Variants in FAM240A observed in about 807,000 individuals in gnomAD.
The protein encoded by FAM240A is protein FAM240A.
In FAM240A, 8 loss-of-function variants were observed where a neutral mutation model predicts 7.3. The ratio of observed to expected loss-of-function variants is 1.09; its 90% CI spans 0.64 to 1.97. The LOEUF is 1.97. Among genes scored for constraint, FAM240A ranks in the 30% most tolerant of loss-of-function variants. FAM240A has a pLI of 0.00. For missense variants in FAM240A, 90 were observed against 102.2 expected (o/e 0.88, Z 0.52); for synonymous variants, 32 against 35.9 (o/e 0.89, Z 0.38).
At chr3:46,613,509 A>AAATAAATAAAT (rs1489345863) in intron 1 of FAM240A, among the ~76,000 whole-genome samples, 1 of 151,308 alleles carries the variant, frequency 6.6e-6, no homozygotes, top group East Asian at 1.9e-4. Context: ...ATAAATAAAT[A>AAATAAATAAAT]AATAAATAAA....
intron 2 of FAM240A, among the ~76,000 whole-genome samples, chr3:46,622,992 T>C (rs1697714178): frequency 6.6e-6 from 1 of 152,244 alleles, no homozygotes; most frequent in Non-Finnish European, 1.5e-5. Flanking sequence ...GTATCTGATA[T>C]ATGAACACAA....
chr3:46,618,708 T>C (rs1208834852), intron 2 of FAM240A, among the ~76,000 whole-genome samples: 2 of 151,552 alleles, frequency 1.3e-5, no homozygotes, highest in Non-Finnish European at 2.9e-5. Context: ...GGCGTGGTGG[T>C]GCATGCCTGT....
At chr3:46,617,903 G>A (rs1230633492) in intron 2 of FAM240A, among the ~76,000 whole-genome samples, 1 of 152,234 alleles carries the variant, frequency 6.6e-6, no homozygotes, top group Non-Finnish European at 1.5e-5. Flanking sequence ...GAGCAGTGGA[G>A]TACAGTGACT....
chr3:46,624,629 A>G (rs1697736086), intron 2 of FAM240A, among the ~76,000 whole-genome samples: 2 of 152,150 alleles, frequency 1.3e-5, no homozygotes, highest in African/African-American at 4.8e-5. Context: ...ATATAACCAC[A>G]TCGTTGCTTT....
intron 2 of FAM240A, among the ~76,000 whole-genome samples, chr3:46,624,189 A>G (rs1469324862): frequency 6.6e-6 from 1 of 151,736 alleles, no homozygotes; most frequent in Non-Finnish European, 1.5e-5. Flanking sequence ...GCTATTGTAC[A>G]AAGTACAACT....
chr3:46,621,084 G>A (rs965043558), intron 2 of FAM240A, among the ~76,000 whole-genome samples: 7 of 151,734 alleles, frequency 4.6e-5, no homozygotes, highest in African/African-American at 1.7e-4. Flanking sequence ...CTACTACAAA[G>A]GTTTTCTAAA....
At chr3:46,619,557 C>T (rs1697672673) in intron 2 of FAM240A, among the ~76,000 whole-genome samples, 1 of 152,178 alleles carries the variant, frequency 6.6e-6, no homozygotes, top group Admixed American at 6.5e-5. Context: ...ACAGATGCTG[C>T]CGTCTCCCGC....
chr3:46,623,493 G>A (rs1559439867), intron 2 of FAM240A, among the ~76,000 whole-genome samples: 2 of 152,084 alleles, frequency 1.3e-5, no homozygotes, highest in Admixed American at 6.5e-5. Context: ...TGAAATCTCT[G>A]CTATAAATAC....
At chr3:46,619,543 T>G (rs894781349) in intron 2 of FAM240A, among the ~76,000 whole-genome samples, 11 of 151,796 alleles carry the variant, frequency 7.2e-5, no homozygotes, top group African/African-American at 2.7e-4. Context: ...GTCAGGGAGG[T>G]GACACAGATG....
intron 2 of FAM240A, among the ~76,000 whole-genome samples, chr3:46,618,456 G>A (rs986309536): frequency 6.6e-6 from 1 of 152,310 alleles, no homozygotes; most frequent in South Asian, 2.1e-4. Context: ...CAAGGAAGAT[G>A]CAGAAACCAA....
At chr3:46,623,327 A>G (rs1424824589) in intron 2 of FAM240A, among the ~76,000 whole-genome samples, 4 of 152,244 alleles carry the variant, frequency 2.6e-5, no homozygotes, top group South Asian at 2.1e-4. Context: ...AATATTTTCT[A>G]TCTTCGTAAA....
chr3:46,618,963 A>T, intron 2 of FAM240A, among the ~76,000 whole-genome samples: 1 of 151,996 alleles, frequency 6.6e-6, no homozygotes, highest in Non-Finnish European at 1.5e-5. Context: ...ATGCAAGAAG[A>T]TAAACTTTCT....
At chr3:46,615,850 GCACA>G (rs111864834) in intron 1 of FAM240A, among the ~76,000 whole-genome samples, 35 of 150,332 alleles carry the variant, frequency 2.3e-4, no homozygotes, top group Admixed American at 2.1e-3. Context: ...ATGTGTGCAC[GCACA>G]CACACACACA....
At chr3:46,614,153 G>A (rs1220928366) in intron 1 of FAM240A, among the ~76,000 whole-genome samples, 1 of 151,948 alleles carries the variant, frequency 6.6e-6, no homozygotes, top group Non-Finnish European at 1.5e-5. Flanking sequence ...CAAACTACTG[G>A]GATCAAGTGA....
intron 2 of FAM240A, among the ~76,000 whole-genome samples, 165 bp from the exon 3 acceptor site, chr3:46,624,963 T>TTATATATATATATATATATATATA (rs10539495): frequency 2.7e-5 from 4 of 146,628 alleles, no homozygotes; most frequent in African/African-American, 1.0e-4. Context: ...TATGAATAAA[T>TTATATATATATATATATATATATA]TATATATATA....
At chr3:46,620,520 T>G (rs1304026119) in intron 2 of FAM240A, among the ~76,000 whole-genome samples, 1 of 145,224 alleles carries the variant, frequency 6.9e-6, no homozygotes, top group African/African-American at 2.5e-5. Context: ...AAAATCCGGA[T>G]CTAATCAAAC....
Position 46,625,243 on chromosome 3 carries a change from G to A in FAM240A, c.*25G>A, listed in dbSNP as rs1350419831. On this transcript the variant is annotated 3_prime_UTR_variant, in exon 3 of 3. Coordinates refer to ENST00000640551, the MANE Select transcript of FAM240A (RefSeq NM_001195442.2). ...AGAGCTTCCTGCTTCATTGACACAA[G>A]AAGATGCAAAACACTGAGGTCACTT... The A allele has an allele frequency of 6.7e-7, 1 of 1,503,378 alleles. No individual in the cohort carries two copies. Among genetic ancestry groups the A allele is most frequent in the Non-Finnish European group, 8.9e-7 (1 of 1,120,938 alleles). The allele number at this position is 1,503,378 out of a possible 1,614,324, so 93.1% of individuals were successfully genotyped here.
At chr3:46,614,044 G>A (rs962811328) in intron 1 of FAM240A, among the ~76,000 whole-genome samples, 2 of 152,046 alleles carry the variant, frequency 1.3e-5, no homozygotes, top group African/African-American at 2.4e-5. Flanking sequence ...TCAGCCTCCT[G>A]AGTAGCTGGG....
chr3:46,617,908 G>A (rs1447186489), intron 2 of FAM240A, among the ~76,000 whole-genome samples: 1 of 152,212 alleles, frequency 6.6e-6, no homozygotes, highest in Non-Finnish European at 1.5e-5. Flanking sequence ...GTGGAGTACA[G>A]TGACTCCCGT....
Sources: gnomAD v4.1 joint callset for allele counts (sites outside exome capture counted in the v4.1 genomes callset) on GRCh38, gnomAD v4.1.1 for gene constraint, MANE v1.5 for transcripts, NCBI Gene and HGNC (gene_info 2026-07-23, HGNC 2026-07-21) for gene names.